Variants in ZNF280C observed in about 807,000 individuals in gnomAD.
ZNF280C encodes the protein zinc finger protein 280C.
Under a neutral mutation model 53.6 loss-of-function variants are expected in ZNF280C, and 14 were observed. The ratio of observed to expected loss-of-function variants is 0.26; its 90% confidence interval spans 0.17 to 0.41. The LOEUF (loss-of-function observed/expected upper bound fraction) is 0.41. ZNF280C is among the 10% of genes least tolerant of loss of function. ZNF280C has a pLI of 1.00. For synonymous variants in ZNF280C, 203 were observed against 181.1 expected (o/e 1.12, Z -0.97); for missense variants, 416 against 547.1 (o/e 0.76, Z 2.39).
At chrX:130,252,184 T>C (rs947840562) in intron 2 of ZNF280C, among the ~76,000 whole-genome samples, 12 of 112,215 alleles carry the variant, frequency 1.1e-4, no homozygotes, top group African/African-American at 3.9e-4. Context: ...GCCAACATCT[T>C]TGATGAACAT....
chrX:130,220,312 G>A, intron 13 of ZNF280C, 37 bp downstream of exon 13: 1 of 1,077,255 alleles, frequency 9.3e-7, no homozygotes, highest in Non-Finnish European at 1.2e-6. Context: ...TTAATAGAAT[G>A]TGCAAAAAAC....
In ZNF280C at chrX:130,204,952, T is replaced by A. The variant is rs185190513; in HGVS notation, c.*25A>T. On this transcript the variant is annotated 3_prime_UTR_variant, in exon 19 of 19. Transcript: ENST00000370978. ...ACTTCCAACTTGTCTTGCACCAGGT[T>A]GCATGAACTCCATGGAGCAGGAATC... The A allele has an allele frequency of 3.5e-4, 376 of 1,075,240 alleles. No individual in the cohort carries two copies. In the African/African-American group the frequency reaches 6.8e-3, roughly 19 times the overall value. 88.6% of individuals were successfully genotyped at this position (1,075,240 alleles called of 1,213,427 possible).
chrX:130,206,115 C>T (rs2031970532), intron 16 of ZNF280C, among the ~76,000 whole-genome samples: 1 of 109,815 alleles, frequency 9.1e-6, no homozygotes, highest in Non-Finnish European at 1.9e-5. Flanking sequence ...CCTTCTTCAC[C>T]CACACTGTAC....
intron 5 of ZNF280C, among the ~76,000 whole-genome samples, chrX:130,242,273 G>A (rs1296186341): frequency 4.5e-5 from 5 of 110,836 alleles, no homozygotes; most frequent in African/African-American, 1.6e-4. Flanking sequence ...AATAAAAATT[G>A]TGCCTACCTC....
chrX:130,207,929 A>G (rs981808006), intron 16 of ZNF280C, among the ~76,000 whole-genome samples: 2 of 111,332 alleles, frequency 1.8e-5, no homozygotes, highest in Non-Finnish European at 3.8e-5. Context: ...CACACCTTAT[A>G]TCCATACCCC....
At chrX:130,209,394 A>T (rs919105095) in intron 16 of ZNF280C, among the ~76,000 whole-genome samples, 10 of 112,156 alleles carry the variant, frequency 8.9e-5, no homozygotes, top group Non-Finnish European at 1.9e-4. Flanking sequence ...GTATTATGGT[A>T]TTTTCATAAA....
At chrX:130,230,782 C>A (rs2032269030) in intron 8 of ZNF280C, 55 bp from the exon 9 acceptor site, 6 of 801,229 alleles carry the variant, frequency 7.5e-6, no homozygotes, top group Admixed American at 5.9e-5. Context: ...AGATTAGATA[C>A]CAAAAAATGA....
At position 130,242,603 on chromosome X, in the gene ZNF280C, G is replaced by A. The variant is rs376699319; in HGVS notation, c.381+960C>T. On this transcript the variant is annotated intron_variant, in intron 5 of 18. Transcript: ENST00000370978. Reference sequence around the variant, plus strand: ...TGCCTGGGTTGGAGTGCAGTTGTGCGATCTCGGCTCACTGCAACCTCTGCC... The same window carrying A: ...TGCCTGGGTTGGAGTGCAGTTGTGCAATCTCGGCTCACTGCAACCTCTGCC... 4.2e-4 allele frequency among the ~76,000 whole-genome samples: 47 copies of A among 112,038 alleles called. No homozygotes were observed. The East Asian group carries it at 0.012, about 29-fold the overall frequency.
At position 130,230,671 on chromosome X, in the gene ZNF280C, A is replaced by T. The variant is rs372383644; in HGVS notation, c.828T>A (p.Arg276=). The T allele has an allele frequency of 1.2e-4, 142 of 1,207,293 alleles. No homozygotes were observed. Among genetic ancestry groups the T allele is most frequent in the Non-Finnish European group, 1.6e-4 (139 of 893,894 alleles). ...AATCAGTCTTGTCTTCATCACATGG[A>T]CGTTCTGATTTAACAATTACTCCCA... is the stretch of plus-strand genomic sequence containing the variant. ...KFLGVIVKSE[R]PCDEDKTDSE... Residue 276 remains arginine, a synonymous_variant, in exon 9 of 19, where the codon CGT becomes CGA. Coordinates refer to ENST00000370978, the MANE Select transcript of ZNF280C (RefSeq NM_017666.5).
chrX:130,230,632 C>T lies in ZNF280C; in HGVS notation c.867G>A (p.Lys289=). The change falls in exon 9 of 19, where the codon AAG becomes AAA. Residue 289 remains lysine, a synonymous_variant. Coordinates refer to ENST00000370978, the MANE Select transcript of ZNF280C (RefSeq NM_017666.5). ...AAAACTCATTGACTAACATGATCAA[C>T]TTTCCTGTCTCTGAATCAGTCTTGT... is the stretch of plus-strand genomic sequence containing the variant. The part of the protein sequence containing the change: ...DEDKTDSETG[K]LIMLVNEFYY... The T allele has an allele frequency of 8.3e-7, 1 of 1,209,662 alleles. No homozygotes were observed. The highest frequency in any genetic ancestry group is 1.8e-5 in the South Asian group (1 of 56,834).
In ZNF280C at chrX:130,243,658, C is replaced by T. The variant is rs1482333698; in HGVS notation, c.286G>A (p.Asp96Asn). ...GCAGCCACTGGATTTGATGGTGGGTCTCTGCAGCGTTGACTTGCAGTCCTG... is the reference window on the plus strand; with the variant it reads ...GCAGCCACTGGATTTGATGGTGGGTTTCTGCAGCGTTGACTTGCAGTCCTG... ...IFRTASQRCR[D>N]PPSNPVAASP... The change falls in exon 5 of 19, where the codon GAC becomes AAC. Residue 96 changes from aspartate to asparagine, a missense_variant. Asp to Asn is a conservative substitution (Grantham distance 23). This residue lies in a region of ZNF280C where 193 missense variants were observed against 201.4 expected (regional missense o/e 0.96). Transcript: ENST00000370978. 8.3e-7 allele frequency: 1 copy of T among 1,211,147 alleles called. No individual in the cohort carries two copies. The highest frequency in any genetic ancestry group is 1.1e-6 in the Non-Finnish European group (1 of 894,973).
At chrX:130,222,616 A>G (rs2032179865) in intron 12 of ZNF280C, among the ~76,000 whole-genome samples, 1 of 112,237 alleles carries the variant, frequency 8.9e-6, no homozygotes, top group African/African-American at 3.2e-5. Flanking sequence ...AGTCCTGGAT[A>G]TCCCTCTTAT....
chrX:130,252,115 G>GA (rs1418420218), intron 2 of ZNF280C, among the ~76,000 whole-genome samples: 1 of 111,235 alleles, frequency 9.0e-6, no homozygotes, highest in African/African-American at 3.3e-5. Flanking sequence ...CGCTATCTCA[G>GA]AAAAAATGAA....
At chrX:130,233,524 G>A (rs2032299299) in intron 8 of ZNF280C, among the ~76,000 whole-genome samples, 1 of 107,784 alleles carries the variant, frequency 9.3e-6, no homozygotes, top group African/African-American at 3.4e-5. Context: ...GCTGAGGCAG[G>A]AGAATTGCTT....
intron 4 of ZNF280C, 33 bp downstream of exon 4, chrX:130,243,767 C>T (rs1356572426): frequency 1.7e-6 from 2 of 1,172,001 alleles, no homozygotes; most frequent in East Asian, 3.1e-5. Context: ...AAATATTTAA[C>T]TTTAAAATTG....
intron 2 of ZNF280C, among the ~76,000 whole-genome samples, chrX:130,255,164 G>A (rs1249209706): frequency 2.8e-4 from 25 of 89,611 alleles, no homozygotes; most frequent in Non-Finnish European, 3.4e-4. Context: ...TTTTTGAGAC[G>A]GAGTCTCGCT....
At chrX:130,230,429 G>T in intron 9 of ZNF280C, 81 bp downstream of exon 9, 1 of 591,916 alleles carries the variant, frequency 1.7e-6, no homozygotes. Flanking sequence ...TACCGAGGAT[G>T]GCAGAGCAAT....
At chrX:130,245,156 T>C (rs1033182186) in intron 3 of ZNF280C, among the ~76,000 whole-genome samples, 2 of 111,801 alleles carry the variant, frequency 1.8e-5, no homozygotes, top group Non-Finnish European at 3.8e-5. Flanking sequence ...ATCACTTAAA[T>C]TCTAAGTTAT....
chrX:130,231,422 A>G (rs1359324411), intron 8 of ZNF280C, among the ~76,000 whole-genome samples: 1 of 112,231 alleles, frequency 8.9e-6, no homozygotes, highest in Non-Finnish European at 1.9e-5. Flanking sequence ...ACATGGATGC[A>G]GCTGGAGGCG....
Sources: gnomAD v4.1 joint callset for allele counts (sites outside exome capture counted in the v4.1 genomes callset) on GRCh38, gnomAD v4.1.1 for gene constraint, gnomAD v4.1.1 regional missense constraint, MANE v1.5 for transcripts, NCBI Gene and HGNC (gene_info 2026-07-23, HGNC 2026-07-21) for gene names.